PDE5A: variants seen among roughly 807,000 people sequenced by gnomAD.
PDE5A encodes phosphodiesterase 5A.
A neutral mutation model predicts 110.2 loss-of-function variants in PDE5A; 67 were observed. The ratio of observed to expected loss-of-function variants is 0.61; its 90% CI spans 0.50 to 0.75. The LOEUF (loss-of-function observed/expected upper bound fraction) is 0.75. Among genes scored for constraint, PDE5A ranks in the 30% least tolerant of loss-of-function variants. The probability of loss-of-function intolerance (pLI) is 0.00; values close to 1 mark genes in which losing one functional copy is unlikely to be tolerated. For missense variants in PDE5A, 862 were observed against 1,045.1 expected (o/e 0.82, Z 2.42); for synonymous variants, 328 against 351.2 (o/e 0.93, Z 0.74).
At chr4:119,550,080 G>T (rs1440340320) in intron 9 of PDE5A, 2 of 152,126 alleles carry the variant, frequency 1.3e-5, no homozygotes, top group East Asian at 3.9e-4. Flanking sequence ...ACAACTGTAG[G>T]TACATAAGTA....
At chr4:119,576,592 G>A (rs966247033) in intron 3 of PDE5A, among the ~76,000 whole-genome samples, 34 of 152,220 alleles carry the variant, frequency 2.2e-4, no homozygotes, top group African/African-American at 7.5e-4. Flanking sequence ...TGACTACTGA[G>A]TACATAACGA....
chr4:119,525,656 C>T lies in PDE5A; in HGVS notation c.1672G>A (p.Asp558Asn). The T allele has an allele frequency of 6.2e-7, 1 of 1,612,486 alleles. No individual in the cohort carries two copies. Among genetic ancestry groups the T allele is most frequent in the Non-Finnish European group, 8.5e-7 (1 of 1,179,352 alleles). ...VPSAQTLKIT[D>N]FSFSDFELSD... ...AGCTCAAAGTCACTGAAGCTAAAGT[C>T]AGTAATTTTAAGGGTCTGGGCAGAT... is the stretch of plus-strand genomic sequence containing the variant. The change falls in exon 12 of 21, where the codon GAC becomes AAC. Residue 558 changes from aspartate to asparagine, a missense_variant. Physicochemically the swap from Asp to Asn is conservative, Grantham distance 23 (BLOSUM62 1). Coordinates refer to ENST00000354960, the MANE Select transcript of PDE5A (RefSeq NM_001083.4). This position sits in a 1 kb window ranked among gnomAD's most constrained non-coding sequence, Gnocchi z 4.3.
Position 119,511,125 on chromosome 4 carries a change from A to G in PDE5A, c.2010T>C (p.His670=), listed in dbSNP as rs199578826. The part of the protein sequence containing the change: ...VNNSYIQRSE[H]PLAQLYCHSI... ...AATGGCAGTAAAGCTGGGCAAGTGG[A>G]TGTTCACTTCTGAAAGTATTTTGTT... The change falls in exon 15 of 21, where the codon CAT becomes CAC. Residue 670 remains histidine (H), a synonymous_variant. Transcript: ENST00000354960. 1.5e-4 allele frequency: 244 copies of G among 1,606,040 alleles called. No individual in the cohort carries two copies. The highest frequency in any genetic ancestry group is 1.3e-3 in the Middle Eastern group (8 of 6,034).
chr4:119,545,047 G>A (rs928297170), intron 9 of PDE5A, among the ~76,000 whole-genome samples: 3 of 152,096 alleles, frequency 2.0e-5, no homozygotes, highest in East Asian at 1.9e-4. Flanking sequence ...ACAAAAATGG[G>A]TACTGAAGAC....
At chr4:119,531,888 ATC>A (rs201756998) in intron 11 of PDE5A, among the ~76,000 whole-genome samples, 1 of 151,756 alleles carries the variant, frequency 6.6e-6, no homozygotes, top group Admixed American at 6.6e-5. Context: ...GAACCTAGGT[ATC>A]TCTCTCTCTC....
Position 119,527,254 on chromosome 4 carries a change from C to CTT in PDE5A, c.1633-1560_1633-1559insAA, listed in dbSNP as rs1215519956. The CTT allele has an allele frequency of 2.6e-5, 4 of 152,220 alleles. No homozygotes were observed. In the East Asian group the frequency reaches 5.8e-4, roughly 22 times the overall value. The allele number at this position is 152,220 out of a possible 1,614,324, so 9.4% of individuals were successfully genotyped here. ...CTACTGTAATTCCTAATCTCTCTCT[C>CTT]TACTAAGAGAAAAGAATCTTTTCTT... On this transcript the variant is annotated intron_variant, in intron 11 of 20. Coordinates refer to ENST00000354960, the MANE Select transcript of PDE5A (RefSeq NM_001083.4).
intron 1 of PDE5A, among the ~76,000 whole-genome samples, chr4:119,607,997 T>C (rs1330501976): frequency 1.3e-5 from 2 of 152,200 alleles, no homozygotes; most frequent in African/African-American, 4.8e-5. Flanking sequence ...AGTTAAATAT[T>C]TGAAAACTAA....
At position 119,495,711 on chromosome 4, in the gene PDE5A, G is replaced by A. The variant is rs1725035625; in HGVS notation, c.*2890C>T. On this transcript the variant is annotated 3_prime_UTR_variant, in exon 21 of 21. Coordinates refer to ENST00000354960, the MANE Select transcript of PDE5A (RefSeq NM_001083.4). ...TATTATTCAAAATTAAGAGACAGTG[G>A]TGACAACATCATCATCCTGGGTTTG... 1 of 152,302 alleles carries A rather than the reference G, an allele frequency of 6.6e-6. No homozygotes were observed. Among genetic ancestry groups the A allele is most frequent in the South Asian group, 2.1e-4 (1 of 4,820 alleles). The allele number at this position is 152,302 out of a possible 1,614,324, so 9.4% of individuals were successfully genotyped here. A position where few individuals can be genotyped will look rare whatever the true frequency, so the allele number is the denominator to read the frequency against.
intron 1 of PDE5A, among the ~76,000 whole-genome samples, chr4:119,614,424 C>T (rs886617631): frequency 1.3e-5 from 2 of 152,106 alleles, no homozygotes; most frequent in African/African-American, 4.8e-5. Flanking sequence ...GATCTGGCCA[C>T]TCCAGTCATT....
At chr4:119,567,661 T>A (rs1164639603) in intron 3 of PDE5A, among the ~76,000 whole-genome samples, 4 of 152,174 alleles carry the variant, frequency 2.6e-5, no homozygotes, top group Non-Finnish European at 5.9e-5. Context: ...CAGTCCAACT[T>A]CTTTTGAAAT....
At chr4:119,619,341 T>A (rs1013000067) in intron 1 of PDE5A, among the ~76,000 whole-genome samples, 7 of 152,178 alleles carry the variant, frequency 4.6e-5, no homozygotes, top group Admixed American at 3.9e-4. Context: ...AAAAAAGAAC[T>A]CTTACAGCTG....
At chr4:119,566,469 C>A (rs539084076) in intron 4 of PDE5A, among the ~76,000 whole-genome samples, 1 of 152,088 alleles carries the variant, frequency 6.6e-6, no homozygotes, top group African/African-American at 2.4e-5. Flanking sequence ...GACAGGTTTA[C>A]GGGCTTTTGT....
At chr4:119,576,531 A>T (rs1000466448) in intron 3 of PDE5A, among the ~76,000 whole-genome samples, 9 of 152,162 alleles carry the variant, frequency 5.9e-5, no homozygotes, top group Admixed American at 2.6e-4. Context: ...GGATTAAGAA[A>T]CTCACTCAAA....
chr4:119,585,953 C>A (rs2110525986), intron 3 of PDE5A, among the ~76,000 whole-genome samples: 1 of 152,278 alleles, frequency 6.6e-6, no homozygotes, highest in Admixed American at 6.5e-5. Context: ...CCAAGAACCT[C>A]TTGAAAATGG....
intron 7 of PDE5A, among the ~76,000 whole-genome samples, chr4:119,559,721 A>AG (rs1025460579): frequency 2.0e-5 from 3 of 152,238 alleles, no homozygotes; most frequent in African/African-American, 7.2e-5. Context: ...GCAATGGCAC[A>AG]GGAGCTTAGG....
intron 11 of PDE5A, among the ~76,000 whole-genome samples, chr4:119,529,724 C>T (rs536016787): frequency 6.6e-6 from 1 of 152,256 alleles, no homozygotes; most frequent in South Asian, 2.1e-4. Flanking sequence ...TAGTTAAATT[C>T]TTTTCTGCTT....
intron 3 of PDE5A, among the ~76,000 whole-genome samples, chr4:119,575,759 T>C (rs1168110971): frequency 6.6e-6 from 1 of 152,198 alleles, no homozygotes; most frequent in Non-Finnish European, 1.5e-5. Flanking sequence ...CCATCAAGGC[T>C]AGGAAGAAAC....
intron 7 of PDE5A, among the ~76,000 whole-genome samples, chr4:119,554,884 A>C (rs1438747291): frequency 2.0e-5 from 3 of 152,220 alleles, no homozygotes; most frequent in Non-Finnish European, 4.4e-5. Context: ...CATTTTATAC[A>C]AGGGACTTTA....
chr4:119,506,050 A>G (rs1184004844), intron 16 of PDE5A, 118 bp from the exon 17 acceptor site: 3 of 486,022 alleles, frequency 6.2e-6, no homozygotes, highest in South Asian at 4.3e-5. Context: ...TTTTTTTCCC[A>G]TCTTAGAGCC....
Sources: gnomAD v4.1 joint callset for allele counts (sites outside exome capture counted in the v4.1 genomes callset) on GRCh38, gnomAD v4.1.1 for gene constraint, Gnocchi (gnomAD v3.1) non-coding constraint, MANE v1.5 for transcripts, NCBI Gene and HGNC (gene_info 2026-07-23, HGNC 2026-07-21) for gene names.